TENM3: variants seen among roughly 807,000 people sequenced by gnomAD.
TENM3 encodes teneurin transmembrane protein 3.
TENM3 carries 63 observed loss-of-function variants against 255.1 expected under a neutral mutation model. The observed-to-expected ratio is 0.25, with a 90% confidence interval of 0.20 to 0.30. TENM3 has a LOEUF of 0.30. Ranked by LOEUF, TENM3 falls within the 10% of genes least tolerant of loss-of-function variation. The probability of loss-of-function intolerance (pLI) is 1.00; values close to 1 mark genes in which losing one functional copy is unlikely to be tolerated. For synonymous variants in TENM3, 1,306 were observed against 1,322.3 expected, an observed-to-expected ratio of 0.99 and a Z score of 0.27; for missense variants, 2,929 against 3,461.1, an observed-to-expected ratio of 0.85 and a Z score of 3.86.
intron 13 of TENM3, among the ~76,000 whole-genome samples, chr4:182,715,802 C>T (rs1759114658): frequency 1.3e-5 from 2 of 152,134 alleles, no homozygotes; most frequent in Admixed American, 1.3e-4. Context: ...CCTGGGCCGA[C>T]AGTCATTCTC....
chr4:182,411,631 G>A (rs1373622178), intron 3 of TENM3, among the ~76,000 whole-genome samples: 1 of 152,160 alleles, frequency 6.6e-6, no homozygotes, highest in Non-Finnish European at 1.5e-5. Flanking sequence ...AGTGCTCTGG[G>A]AACCCTGGTG....
chr4:181,453,334 A>G, the TENM3 span, among the ~76,000 whole-genome samples: 1 of 152,264 alleles, frequency 6.6e-6, no homozygotes, highest in African/African-American at 2.4e-5. Context: ...TTGGGGAGGG[A>G]CAGCAGATTG....
At chr4:182,217,580 G>A (rs1191476465) in intron 1 of TENM3, among the ~76,000 whole-genome samples, 5 of 151,946 alleles carry the variant, frequency 3.3e-5, no homozygotes, top group African/African-American at 7.3e-5. Context: ...TCTTTAATTC[G>A]CATAACCCTT....
intron 13 of TENM3, among the ~76,000 whole-genome samples, chr4:182,719,854 A>C (rs560692590): frequency 1.3e-5 from 2 of 152,244 alleles, no homozygotes; most frequent in South Asian, 4.2e-4. Flanking sequence ...TGAGCCCAGG[A>C]GTTTGATATC....
At chr4:181,964,067 ATTT>A in the TENM3 span, among the ~76,000 whole-genome samples, 3 of 138,958 alleles carry the variant, frequency 2.2e-5, no homozygotes, top group South Asian at 6.9e-4. Flanking sequence ...TGACCTTCCG[ATTT>A]TTTTTTTTTT....
At chr4:182,334,474 T>A (rs2150571844) in intron 2 of TENM3, among the ~76,000 whole-genome samples, 1 of 152,246 alleles carries the variant, frequency 6.6e-6, no homozygotes, top group African/African-American at 2.4e-5. Flanking sequence ...AAATTCGTAT[T>A]TTCAAATTTC....
chr4:182,502,526 T>C (rs1736417176), intron 3 of TENM3, among the ~76,000 whole-genome samples: 1 of 152,170 alleles, frequency 6.6e-6, no homozygotes, highest in Non-Finnish European at 1.5e-5. Context: ...TCATTGTACA[T>C]TCTCAGAGAT....
At chr4:181,924,880 C>T in the TENM3 span, among the ~76,000 whole-genome samples, 1 of 152,082 alleles carries the variant, frequency 6.6e-6, no homozygotes, top group Non-Finnish European at 1.5e-5. Context: ...GTTACCTCAA[C>T]CTTATAACAA....
At chr4:182,396,622 T>C (rs1768833743) in intron 3 of TENM3, among the ~76,000 whole-genome samples, 1 of 152,212 alleles carries the variant, frequency 6.6e-6, no homozygotes, top group Non-Finnish European at 1.5e-5. Flanking sequence ...TGTATTTGTC[T>C]ATGACTTCTT....
intron 3 of TENM3, among the ~76,000 whole-genome samples, chr4:182,350,988 C>G (rs1409153645): frequency 6.6e-6 from 1 of 152,050 alleles, no homozygotes; most frequent in Admixed American, 6.6e-5. Context: ...CGGCCACTGA[C>G]GTGTTGTTAA....
chr4:182,794,605 G>A (rs757543661), intron 26 of TENM3, among the ~76,000 whole-genome samples: 1 of 152,188 alleles, frequency 6.6e-6, no homozygotes, highest in Non-Finnish European at 1.5e-5. Context: ...GTTCTTGCAT[G>A]GTGACAATAC....
At chr4:181,641,733 A>T in the TENM3 span, among the ~76,000 whole-genome samples, 6 of 123,060 alleles carry the variant, frequency 4.9e-5, no homozygotes, top group Non-Finnish European at 1.0e-4. Flanking sequence ...ATAATAAATT[A>T]TATATATATA....
the TENM3 span, among the ~76,000 whole-genome samples, chr4:182,118,015 T>C: frequency 2.0e-5 from 3 of 152,204 alleles, no homozygotes; most frequent in African/African-American, 7.2e-5. Flanking sequence ...TGCTAATGCA[T>C]ATGATGGTGC....
intron 3 of TENM3, among the ~76,000 whole-genome samples, chr4:182,432,849 G>GTGTGTGTGTGTGT (rs1554066038): frequency 1.2e-4 from 17 of 143,056 alleles, no homozygotes; most frequent in Non-Finnish European, 1.7e-4. Context: ...AATGGATTTG[G>GTGTGTGTGTGTGT]GTGTGTGTGT....
chr4:181,465,168 TATG>T, the TENM3 span, among the ~76,000 whole-genome samples: 4 of 147,886 alleles, frequency 2.7e-5, no homozygotes, highest in Non-Finnish European at 6.1e-5. Context: ...TCTTCAAAGA[TATG>T]ATTTTTGAAA....
At chr4:182,002,075 G>C in the TENM3 span, among the ~76,000 whole-genome samples, 1 of 152,050 alleles carries the variant, frequency 6.6e-6, no homozygotes, top group East Asian at 1.9e-4. Flanking sequence ...ACTTATTGAG[G>C]AGAAAAGTTA....
At chr4:181,818,945 G>T in the TENM3 span, among the ~76,000 whole-genome samples, 11 of 152,076 alleles carry the variant, frequency 7.2e-5, no homozygotes. Flanking sequence ...TTGTTTCTCT[G>T]GTTGAACCTG....
the TENM3 span, among the ~76,000 whole-genome samples, chr4:182,103,335 G>T: frequency 6.6e-6 from 1 of 152,146 alleles, no homozygotes; most frequent in Non-Finnish European, 1.5e-5. Flanking sequence ...CCAGAGCAAA[G>T]GTAGAAATCA....
chr4:182,791,618 C>T (rs1436019123), intron 25 of TENM3, among the ~76,000 whole-genome samples: 3 of 152,174 alleles, frequency 2.0e-5, no homozygotes, highest in South Asian at 2.1e-4. Flanking sequence ...ATTGTCAGTA[C>T]GGATGCCTTG....
Sources: allele counts gnomAD v4.1 joint callset (sites outside exome capture counted in the v4.1 genomes callset), GRCh38; gene constraint gnomAD v4.1.1; transcripts MANE v1.5; gene names NCBI Gene and HGNC (gene_info 2026-07-23, HGNC 2026-07-21).